ANO1: variants seen among roughly 807,000 people sequenced by gnomAD.
ANO1 encodes the protein anoctamin 1.
In ANO1, 59 loss-of-function variants were observed where a neutral mutation model predicts 124.0. The ratio of observed to expected loss-of-function variants is 0.48; its 90% CI spans 0.39 to 0.59. ANO1 has a LOEUF of 0.59. ANO1 is among the 20% of genes least tolerant of loss of function. The pLI is 0.00. For synonymous variants in ANO1, 529 were observed against 532.0 expected (o/e 0.99, Z 0.08); for missense variants, 1,059 against 1,328.0 (o/e 0.80, Z 3.15).
chr11:70,131,829 C>T, intron 10 of ANO1, 90 bp from the exon 11 acceptor site: 1 of 1,469,572 alleles, frequency 6.8e-7, no homozygotes. Flanking sequence ...CAGCTTGGGC[C>T]CAGCGCTTTC....
Position 70,126,055 on chromosome 11 carries a change from G to C in ANO1, c.963-6G>C. The C allele has an allele frequency of 6.2e-7, 1 of 1,607,002 alleles. No individual in the cohort carries two copies. Among genetic ancestry groups the C allele is most frequent in the Non-Finnish European group, 8.5e-7 (1 of 1,176,160 alleles). On this transcript the variant is annotated splice_polypyrimidine_tract_variant and splice_region_variant and intron_variant, in intron 9 of 25. Transcript: ENST00000355303. ...GGCTTGACTCTGCTCTGCTCCCCTG[G>C]TGTAGGAAGTATTTTGGGGAGAAGA...
At chr11:70,021,630 G>A (rs1555002640) in intron 1 of ANO1, among the ~76,000 whole-genome samples, 1 of 152,144 alleles carries the variant, frequency 6.6e-6, no homozygotes, top group Admixed American at 6.5e-5. Context: ...TCCACTTCCT[G>A]GTCCCTCTCT....
chr11:70,025,734 GTGA>G (rs1362653948), intron 1 of ANO1, among the ~76,000 whole-genome samples: 218 of 135,380 alleles, frequency 1.6e-3, no homozygotes, highest in Non-Finnish European at 1.9e-3. Flanking sequence ...GGTGGTGATG[GTGA>G]TGATGATGAT....
chr11:70,153,000 G>A (rs2047664986), intron 13 of ANO1, 57 bp from the exon 14 acceptor site: 1 of 1,494,618 alleles, frequency 6.7e-7, no homozygotes, highest in East Asian at 2.4e-5. Flanking sequence ...TGCTCACGCT[G>A]AGGAGCTCAG....
chr11:70,009,914 C>T (rs1358443487), intron 1 of ANO1, among the ~76,000 whole-genome samples: 3 of 151,798 alleles, frequency 2.0e-5, no homozygotes, highest in South Asian at 2.1e-4. Context: ...GTCTTTTATC[C>T]CTCACCCTCC....
At chr11:70,186,910 C>G (rs1221267746) in intron 25 of ANO1, among the ~76,000 whole-genome samples, 1 of 152,210 alleles carries the variant, frequency 6.6e-6, no homozygotes, top group Non-Finnish European at 1.5e-5. Flanking sequence ...AGACCAGAGC[C>G]TGAGAGCCCA....
intron 1 of ANO1, among the ~76,000 whole-genome samples, chr11:70,058,397 G>T (rs1296102426): frequency 6.6e-6 from 1 of 152,200 alleles, no homozygotes; most frequent in East Asian, 1.9e-4. Flanking sequence ...TTAGCAGTGA[G>T]TAAGTCAAGG....
intron 1 of ANO1, among the ~76,000 whole-genome samples, chr11:69,989,759 C>T (rs1554997249): frequency 1.3e-5 from 2 of 151,924 alleles, no homozygotes; most frequent in African/African-American, 2.4e-5. Context: ...TCCAGGTGCA[C>T]GAGGCAGGTA....
the ANO1 span, among the ~76,000 whole-genome samples, chr11:69,966,553 C>A: frequency 6.6e-6 from 1 of 152,164 alleles, no homozygotes; most frequent in Non-Finnish European, 1.5e-5. Flanking sequence ...ACTGGGAAGC[C>A]CGAGGCCGGC....
intron 1 of ANO1, among the ~76,000 whole-genome samples, chr11:69,994,529 C>A (rs782767199): frequency 2.6e-5 from 4 of 152,006 alleles, no homozygotes; most frequent in Non-Finnish European, 5.9e-5. Flanking sequence ...TATAGATAAT[C>A]TCTATAGACA....
At position 70,182,755 on chromosome 11, in the gene ANO1, C is replaced by T. The variant is rs540492487; in HGVS notation, c.2588+69C>T. The T allele has an allele frequency of 9.3e-5, 121 of 1,295,252 alleles. 1 individual carries two copies. In the East Asian group the frequency reaches 3.0e-3, roughly 32 times the overall value. The allele number at this position is 1,295,252 out of a possible 1,614,324, so 80.2% of individuals were successfully genotyped here. A position where few individuals can be genotyped will look rare whatever the true frequency, so the allele number is the denominator to read the frequency against. ...GTTTCTGGGAGAGCCTGGGTTTGGA[C>T]GGGGCTCAAATCAGGAGCAAGTCAT... On this transcript the variant is annotated intron_variant, in intron 24 of 25. Transcript: ENST00000355303.
At chr11:70,077,872 C>T (rs2044082648), upstream of ANO1, among the ~76,000 whole-genome samples, 1 of 152,160 alleles carries the variant, frequency 6.6e-6, no homozygotes, top group African/African-American at 2.4e-5. Context: ...ATGACTGCCC[C>T]GGGAGAGACT....
chr11:69,979,135 C>T, the ANO1 span, among the ~76,000 whole-genome samples: 1 of 152,268 alleles, frequency 6.6e-6, no homozygotes, highest in Admixed American at 6.5e-5. Flanking sequence ...CTGTCTCAGC[C>T]CTACAAACAA....
chr11:69,976,679 C>T, the ANO1 span, among the ~76,000 whole-genome samples: 1 of 152,236 alleles, frequency 6.6e-6, no homozygotes, highest in East Asian at 1.9e-4. Context: ...AGCCCTGCGA[C>T]GCCTTGATCT....
At chr11:70,017,316 G>A (rs1378040860) in intron 1 of ANO1, among the ~76,000 whole-genome samples, 1 of 152,146 alleles carries the variant, frequency 6.6e-6, no homozygotes, top group Admixed American at 6.5e-5. Flanking sequence ...AACTCTTTGG[G>A]GATCAAATGA....
intron 1 of ANO1, among the ~76,000 whole-genome samples, chr11:70,050,183 C>A (rs1408639465): frequency 2.0e-5 from 3 of 152,144 alleles, no homozygotes; most frequent in Admixed American, 6.5e-5. Context: ...GTATCCTATT[C>A]GGGGTGCAAG....
At chr11:69,998,850 A>C (rs1453399421) in intron 1 of ANO1, among the ~76,000 whole-genome samples, 2 of 152,090 alleles carry the variant, frequency 1.3e-5, no homozygotes, top group African/African-American at 4.8e-5. Context: ...TGGAAGACTG[A>C]GGCAGGAGAC....
intron 19 of ANO1, among the ~76,000 whole-genome samples, chr11:70,164,216 A>C (rs930610869): frequency 6.6e-6 from 1 of 152,198 alleles, no homozygotes; most frequent in Non-Finnish European, 1.5e-5. Context: ...TGGTCTCAGC[A>C]TTTCCAACCC....
chr11:70,147,396 G>T (rs2047424433), intron 11 of ANO1, among the ~76,000 whole-genome samples: 1 of 152,190 alleles, frequency 6.6e-6, no homozygotes, highest in Non-Finnish European at 1.5e-5. Context: ...GCCTCCTGAG[G>T]GTCAGGGGCC....
Sources: gnomAD v4.1 joint callset for allele counts (sites outside exome capture counted in the v4.1 genomes callset) on GRCh38, gnomAD v4.1.1 for gene constraint, MANE v1.5 for transcripts, NCBI Gene and HGNC (gene_info 2026-07-23, HGNC 2026-07-21) for gene names.